TNNI3K: variants seen among roughly 807,000 people sequenced by gnomAD.
The protein encoded by TNNI3K is serine/threonine-protein kinase TNNI3K.
Under a neutral mutation model 114.5 loss-of-function variants are expected in TNNI3K, and 140 were observed. The observed-to-expected ratio is 1.22, with a 90% CI of 1.07 to 1.41. TNNI3K has a LOEUF of 1.41. Ranked by LOEUF, TNNI3K falls within the 40% of genes most tolerant of loss-of-function variation. The pLI is 0.00. For synonymous variants in TNNI3K, 347 were observed against 347.5 expected, an observed-to-expected ratio of 1.00 and a Z score of 0.02; for missense variants, 1,125 against 1,007.6, an observed-to-expected ratio of 1.12 and a Z score of -1.58.
chr1:74,421,058 A>G (rs978541388), intron 17 of TNNI3K, among the ~76,000 whole-genome samples: 1 of 152,106 alleles, frequency 6.6e-6, no homozygotes, highest in Non-Finnish European at 1.5e-5. Flanking sequence ...GTGGGTTTAA[A>G]AATATCTTTT....
At chr1:74,470,868 T>A (rs1282377815) in intron 21 of TNNI3K, 1 of 400,638 alleles carries the variant, frequency 2.5e-6, no homozygotes, top group Non-Finnish European at 4.4e-6. Context: ...AAAACTGATT[T>A]AACTCACTGG....
intron 2 of TNNI3K, among the ~76,000 whole-genome samples, chr1:74,245,748 T>A (rs1042523857): frequency 6.6e-6 from 1 of 152,180 alleles, no homozygotes; most frequent in Non-Finnish European, 1.5e-5. Context: ...AAATCCAGGG[T>A]CATTGAAGAA....
chr1:74,453,658 C>T (rs866966247), intron 20 of TNNI3K, among the ~76,000 whole-genome samples: 3 of 152,136 alleles, frequency 2.0e-5, no homozygotes, highest in Admixed American at 6.6e-5. Flanking sequence ...GTCTCTTTTG[C>T]ATCTCACATG....
intron 24 of TNNI3K, among the ~76,000 whole-genome samples, chr1:74,540,792 G>A (rs1324265400): frequency 1.3e-5 from 2 of 152,080 alleles, no homozygotes; most frequent in East Asian, 3.8e-4. Flanking sequence ...GCACTCAAGG[G>A]TAAAATGCAA....
At chr1:74,298,408 A>T (rs772945996) in intron 5 of TNNI3K, among the ~76,000 whole-genome samples, 7 of 152,148 alleles carry the variant, frequency 4.6e-5, no homozygotes, top group Non-Finnish European at 1.0e-4. Context: ...TAAAATAAAG[A>T]ATTGTCATTT....
chr1:74,528,884 G>A (rs1346902168), intron 23 of TNNI3K, among the ~76,000 whole-genome samples: 1 of 152,140 alleles, frequency 6.6e-6, no homozygotes, highest in Non-Finnish European at 1.5e-5. Context: ...CAGACTTTAA[G>A]GCTGACACAA....
intron 23 of TNNI3K, among the ~76,000 whole-genome samples, chr1:74,510,036 A>C (rs1670105710): frequency 6.6e-6 from 1 of 152,034 alleles, no homozygotes; most frequent in Non-Finnish European, 1.5e-5. Flanking sequence ...CCCAGCTTGA[A>C]TTTCAATGTC....
intron 5 of TNNI3K, among the ~76,000 whole-genome samples, chr1:74,295,883 A>C (rs1657948479): frequency 6.6e-6 from 1 of 151,904 alleles, no homozygotes; most frequent in Non-Finnish European, 1.5e-5. Context: ...TTGTTGCTCC[A>C]CCTATTGTTT....
chr1:74,264,760 A>T (rs1259942829), intron 4 of TNNI3K, among the ~76,000 whole-genome samples: 1 of 152,036 alleles, frequency 6.6e-6, no homozygotes, highest in Non-Finnish European at 1.5e-5. Flanking sequence ...TTTTATGACT[A>T]AACATCTCTT....
intron 21 of TNNI3K, chr1:74,464,754 G>C (rs759891779): frequency 6.4e-7 from 1 of 1,561,374 alleles, no homozygotes; most frequent in South Asian, 1.2e-5. Flanking sequence ...CTCTTATCCT[G>C]GCCATTCAAC....
At chr1:74,323,347 GCTTCACTGTC>G (rs1659726466) in intron 5 of TNNI3K, among the ~76,000 whole-genome samples, 1 of 152,110 alleles carries the variant, frequency 6.6e-6, no homozygotes, top group Non-Finnish European at 1.5e-5. Flanking sequence ...AAACCTCTGA[GCTTCACTGTC>G]CTTATCTTTA....
intron 17 of TNNI3K, among the ~76,000 whole-genome samples, chr1:74,401,372 A>G (rs920725328): frequency 1.3e-5 from 2 of 152,196 alleles, no homozygotes; most frequent in Admixed American, 1.3e-4. Flanking sequence ...TCAATACTTT[A>G]CTGTATAATT....
chr1:74,328,702 G>T (rs548402089), intron 5 of TNNI3K, among the ~76,000 whole-genome samples: 5 of 152,010 alleles, frequency 3.3e-5, no homozygotes, highest in Non-Finnish European at 5.9e-5. Context: ...TTGACCTTCT[G>T]AATAACTGGA....
intron 20 of TNNI3K, among the ~76,000 whole-genome samples, chr1:74,451,263 G>A (rs182222427): frequency 6.6e-6 from 1 of 152,182 alleles, no homozygotes; most frequent in African/African-American, 2.4e-5. Flanking sequence ...CAGGGGGAGG[G>A]AGAGCACCAG....
intron 6 of TNNI3K, among the ~76,000 whole-genome samples, chr1:74,332,616 T>A (rs981926576): frequency 2.0e-5 from 3 of 152,048 alleles, no homozygotes; most frequent in African/African-American, 7.2e-5. Context: ...CCCATTCTTA[T>A]CAATGGTATA....
intron 5 of TNNI3K, among the ~76,000 whole-genome samples, chr1:74,293,080 T>A (rs985905139): frequency 6.6e-6 from 1 of 151,702 alleles, no homozygotes; most frequent in Non-Finnish European, 1.5e-5. Flanking sequence ...TCATAACTGT[T>A]TTACTTTAAA....
At chr1:74,383,503 C>A (rs1197373502) in intron 17 of TNNI3K, among the ~76,000 whole-genome samples, 1 of 152,002 alleles carries the variant, frequency 6.6e-6, no homozygotes, top group Non-Finnish European at 1.5e-5. Flanking sequence ...CTGTCTATCC[C>A]AAATGCTTCT....
rs561705915 is a variant in TNNI3K, at chr1:74,274,706, T to C, written c.444+2998T>C. Among the ~76,000 whole-genome samples the C allele has an allele frequency of 3.3e-5, 5 of 152,146 alleles. No individual in the cohort carries two copies. The East Asian group carries it at 7.7e-4, about 24-fold the overall frequency. On this transcript the variant is annotated intron_variant, in intron 5 of 24. Coordinates refer to ENST00000326637, the MANE Select transcript of TNNI3K (RefSeq NM_015978.3). ...GGGAATACAGGTGTTCCTCAACTTA[T>C]GATGGGGTTATATCTGAGTAAATCT...
chr1:74,429,612 G>A (rs1460968910), intron 17 of TNNI3K, among the ~76,000 whole-genome samples: 1 of 152,106 alleles, frequency 6.6e-6, no homozygotes, highest in African/African-American at 2.4e-5. Context: ...GTCTGTGGCA[G>A]GAAGAGAGTT....
Sources: gnomAD v4.1 joint callset for allele counts (sites outside exome capture counted in the v4.1 genomes callset) on GRCh38, gnomAD v4.1.1 for gene constraint, MANE v1.5 for transcripts, NCBI Gene and HGNC (gene_info 2026-07-23, HGNC 2026-07-21) for gene names.